GDI2: variants seen among roughly 807,000 people sequenced by gnomAD.
GDI2 encodes GDP dissociation inhibitor 2, also known as rab GDP dissociation inhibitor beta.
In GDI2, 22 loss-of-function variants were observed where a neutral mutation model predicts 54.2. That is an observed-to-expected ratio of 0.41 (90% confidence interval 0.29 to 0.58). The LOEUF is 0.58. Among genes scored for constraint, GDI2 ranks in the 20% least tolerant of loss-of-function variants. The pLI is 0.35. For missense variants in GDI2, 422 were observed against 546.0 expected (o/e 0.77, Z 2.26); for synonymous variants, 177 against 182.1 (o/e 0.97, Z 0.23).
intron 3 of GDI2, among the ~76,000 whole-genome samples, chr10:5,796,019 CAA>C (rs1392776678): frequency 6.6e-6 from 1 of 152,002 alleles, no homozygotes; most frequent in Non-Finnish European, 1.5e-5. Flanking sequence ...GACCTATAAC[CAA>C]AAATTTAGTT....
At chr10:5,779,433 G>A (rs1480230823) in intron 6 of GDI2, among the ~76,000 whole-genome samples, 4 of 151,716 alleles carry the variant, frequency 2.6e-5, no homozygotes, top group Admixed American at 2.0e-4. Context: ...GCTTGAACCC[G>A]GGAGGCAGAG....
chr10:5,784,227 C>A (rs1017008754), intron 6 of GDI2, among the ~76,000 whole-genome samples: 2 of 152,204 alleles, frequency 1.3e-5, no homozygotes, highest in Non-Finnish European at 2.9e-5. Context: ...ATTGCTGAGA[C>A]TTTCCAGTGC....
At chr10:5,788,206 T>C (rs934781313) in intron 4 of GDI2, among the ~76,000 whole-genome samples, 3 of 151,606 alleles carry the variant, frequency 2.0e-5, no homozygotes, top group Non-Finnish European at 4.4e-5. Context: ...TTTTTTTCCA[T>C]AGAAACAAGG....
At chr10:5,773,997 T>A in intron 6 of GDI2, 56 bp from the exon 7 acceptor site, 1 of 739,348 alleles carries the variant, frequency 1.4e-6, no homozygotes, top group Non-Finnish European at 2.4e-6. Flanking sequence ...ACTCCTAAAG[T>A]CCCCTTTCTT....
At chr10:5,771,763 A>G (rs1840494216) in intron 7 of GDI2, among the ~76,000 whole-genome samples, 1 of 152,210 alleles carries the variant, frequency 6.6e-6, no homozygotes, top group South Asian at 2.1e-4. Context: ...AAAGAAAAAT[A>G]CAGAATAAAA....
chr10:5,810,242 A>G (rs913880970), intron 1 of GDI2, among the ~76,000 whole-genome samples: 5 of 152,244 alleles, frequency 3.3e-5, no homozygotes, highest in Non-Finnish European at 5.9e-5. Context: ...ATACATCACT[A>G]AAGTATATAT....
At chr10:5,786,149 C>G in intron 4 of GDI2, 99 bp from the exon 5 acceptor site, 5 of 605,768 alleles carry the variant, frequency 8.3e-6, no homozygotes, top group East Asian at 2.9e-5. Flanking sequence ...TTATCAACTG[C>G]GGAATGCAGG....
intron 7 of GDI2, among the ~76,000 whole-genome samples, chr10:5,771,711 A>G (rs1485234688): frequency 6.6e-6 from 1 of 152,230 alleles, no homozygotes; most frequent in Non-Finnish European, 1.5e-5. Context: ...CTTCCCTTTC[A>G]TATCAAAGCC....
intron 1 of GDI2, 139 bp from the exon 2 acceptor site, chr10:5,800,844 G>A (rs1289625950): frequency 3.3e-6 from 2 of 612,232 alleles, no homozygotes; most frequent in African/African-American, 3.7e-5. Flanking sequence ...TATGAAGAAA[G>A]CCCTTAAGAA....
chr10:5,788,191 T>TG (rs976078177), intron 4 of GDI2, among the ~76,000 whole-genome samples: 2 of 96,748 alleles, frequency 2.1e-5, no homozygotes, highest in Non-Finnish European at 5.4e-5. Flanking sequence ...TCCTACTGTG[T>TG]TTTTTTTTTT....
In GDI2 at chr10:5,768,838, C is replaced by T. The variant is rs1483588914; in HGVS notation, c.820-454G>A. ...CAAAAACTAAAAATGGAACAAAGAC[C>T]TAAATGTGGTATCTAAAACTATAAA... is the stretch of plus-strand genomic sequence containing the variant. On this transcript the variant is annotated intron_variant, in intron 7 of 10. Coordinates refer to ENST00000380191, the MANE Select transcript of GDI2 (RefSeq NM_001494.4). This position sits in a 1 kb window ranked among gnomAD's most constrained non-coding sequence, Gnocchi z 4.4. 1 of 153,900 alleles carries T rather than the reference C, an allele frequency of 6.5e-6. No individual in the cohort carries two copies. The highest frequency in any genetic ancestry group is 1.4e-5 in the Non-Finnish European group (1 of 69,246). The allele number at this position is 153,900 out of a possible 1,614,324, so 9.5% of individuals were successfully genotyped here.
intron 5 of GDI2, 90 bp downstream of exon 5, chr10:5,785,762 A>G (rs757730973): frequency 6.3e-6 from 5 of 796,498 alleles, no homozygotes; most frequent in Non-Finnish European, 1.1e-5. Flanking sequence ...ATGGCTAAGT[A>G]TTTGTTTTGT....
intron 1 of GDI2, among the ~76,000 whole-genome samples, chr10:5,804,878 G>C (rs1327747772): frequency 6.6e-6 from 1 of 151,234 alleles, no homozygotes; most frequent in Non-Finnish European, 1.5e-5. Context: ...TTGTTGCCCA[G>C]GCTGGAGTGC....
chr10:5,775,266 T>C (rs560726779), intron 6 of GDI2, among the ~76,000 whole-genome samples: 30 of 151,962 alleles, frequency 2.0e-4, no homozygotes, highest in African/African-American at 7.0e-4. Context: ...CCAGCCCGGG[T>C]AACAAAGCAA....
intron 7 of GDI2, among the ~76,000 whole-genome samples, chr10:5,770,013 T>G (rs1840449211): frequency 1.3e-5 from 2 of 152,216 alleles, no homozygotes; most frequent in African/African-American, 4.8e-5. Flanking sequence ...AAGCAAACTA[T>G]GGTCTATCTT....
At chr10:5,790,698 T>G (rs1840992333) in intron 4 of GDI2, among the ~76,000 whole-genome samples, 1 of 152,152 alleles carries the variant, frequency 6.6e-6, no homozygotes, top group Non-Finnish European at 1.5e-5. Flanking sequence ...ACTACTTAGC[T>G]ATTTATGTTA....
intron 1 of GDI2, among the ~76,000 whole-genome samples, chr10:5,808,697 TAAAAAAAAAAA>T (rs56672226): frequency 3.5e-5 from 3 of 86,230 alleles, no homozygotes; most frequent in African/African-American, 1.3e-4. Context: ...TTGTTGTTAT[TAAAAAAAAAAA>T]AAAAAAAAAA....
chr10:5,808,668 G>C (rs947109561), intron 1 of GDI2, among the ~76,000 whole-genome samples: 4 of 140,906 alleles, frequency 2.8e-5, no homozygotes, highest in Non-Finnish European at 6.0e-5. Context: ...AGAGAGCTCT[G>C]TCTCAGAAAT....
chr10:5,775,736 T>C (rs1564389732), intron 6 of GDI2, among the ~76,000 whole-genome samples: 2 of 151,920 alleles, frequency 1.3e-5, no homozygotes, highest in African/African-American at 2.4e-5. Context: ...GAAGAAAAAA[T>C]GTGTCTGAAG....
Sources: allele counts gnomAD v4.1 joint callset (sites outside exome capture counted in the v4.1 genomes callset), GRCh38; gene constraint gnomAD v4.1.1; non-coding constraint Gnocchi (gnomAD v3.1); transcripts MANE v1.5; gene names NCBI Gene and HGNC (gene_info 2026-07-23, HGNC 2026-07-21).